COL9A1: variants seen among roughly 807,000 people sequenced by gnomAD.
The protein encoded by COL9A1 is collagen type IX alpha 1 chain.
A neutral mutation model predicts 142.6 loss-of-function variants in COL9A1; 104 were observed. The ratio of observed to expected loss-of-function variants is 0.73; its 90% CI spans 0.62 to 0.86. The LOEUF is 0.86. COL9A1 is among the 40% of genes least tolerant of loss of function. The pLI is 0.00. For synonymous variants in COL9A1, 466 were observed against 396.0 expected, an observed-to-expected ratio of 1.18 and a Z score of -2.10; for missense variants, 1,210 against 1,176.6, an observed-to-expected ratio of 1.03 and a Z score of -0.42.
intron 4 of COL9A1, among the ~76,000 whole-genome samples, chr6:70,296,269 T>C (rs1006671343): frequency 9.2e-5 from 14 of 152,172 alleles, no homozygotes; most frequent in Non-Finnish European, 1.8e-4. Flanking sequence ...CTTTGTAATA[T>C]GACTGGTTTG....
intron 11 of COL9A1, 22 bp from the exon 12 acceptor site, chr6:70,274,104 T>G (rs1220005745): frequency 6.3e-7 from 1 of 1,579,268 alleles, no homozygotes; most frequent in Admixed American, 1.7e-5. Flanking sequence ...AATAGTTTCA[T>G]TGTACTGACC....
intron 5 of COL9A1, among the ~76,000 whole-genome samples, chr6:70,290,665 GT>G (rs773208903): frequency 3.3e-5 from 5 of 152,016 alleles, no homozygotes; most frequent in Non-Finnish European, 7.4e-5. Context: ...ATCAAATGTG[GT>G]TTCCAATTGC....
chr6:70,237,141 C>A (rs552699985), intron 33 of COL9A1, among the ~76,000 whole-genome samples: 1 of 152,052 alleles, frequency 6.6e-6, no homozygotes, highest in South Asian at 2.1e-4. Flanking sequence ...CTAAAAGAAC[C>A]CAGAAGAGAA....
intron 1 of COL9A1, 81 bp from the exon 2 acceptor site, chr6:70,302,155 C>T: frequency 1.2e-6 from 1 of 835,700 alleles, no homozygotes; most frequent in Non-Finnish European, 2.0e-6. Context: ...ACCTAGTAAA[C>T]CTAATTAATG....
At chr6:70,236,924 C>T (rs1459880729) in intron 33 of COL9A1, among the ~76,000 whole-genome samples, 1 of 151,984 alleles carries the variant, frequency 6.6e-6, no homozygotes, top group Non-Finnish European at 1.5e-5. Context: ...CAGGTTCAAG[C>T]GATTCTCCTG....
At chr6:70,225,182 T>C (rs1042722383) in intron 37 of COL9A1, among the ~76,000 whole-genome samples, 3 of 152,222 alleles carry the variant, frequency 2.0e-5, no homozygotes, top group Non-Finnish European at 2.9e-5. Context: ...TGCTGGAAAG[T>C]TGCGCATCAT....
At chr6:70,245,225 ACT>A (rs1770518845) in intron 28 of COL9A1, among the ~76,000 whole-genome samples, 1 of 152,176 alleles carries the variant, frequency 6.6e-6, no homozygotes, top group African/African-American at 2.4e-5. Context: ...GAACATGCAT[ACT>A]CTTGCTCTAA....
At chr6:70,240,604 G>T in intron 32 of COL9A1, 85 bp downstream of exon 32, 2 of 793,488 alleles carry the variant, frequency 2.5e-6, no homozygotes, top group Non-Finnish European at 4.1e-6. Flanking sequence ...TACCAATTTT[G>T]AACTGTGTTA....
At chr6:70,249,655 C>A (rs1770810683) in intron 28 of COL9A1, among the ~76,000 whole-genome samples, 1 of 152,084 alleles carries the variant, frequency 6.6e-6, no homozygotes, top group African/African-American at 2.4e-5. Flanking sequence ...GGGACAGGAG[C>A]AATGGCAAGA....
At chr6:70,269,034 T>C (rs1465058611) in intron 16 of COL9A1, among the ~76,000 whole-genome samples, 174 bp from the exon 17 acceptor site, 1 of 152,184 alleles carries the variant, frequency 6.6e-6, no homozygotes, top group Non-Finnish European at 1.5e-5. Context: ...TTATTTCACA[T>C]TTAAAGCCAG....
intron 4 of COL9A1, among the ~76,000 whole-genome samples, chr6:70,295,431 C>T (rs562989949): frequency 7.5e-4 from 114 of 151,596 alleles, no homozygotes; most frequent in African/African-American, 2.4e-3. Context: ...GGATTACAGG[C>T]GCCCACCATT....
intron 37 of COL9A1, among the ~76,000 whole-genome samples, chr6:70,218,655 G>C (rs963564477): frequency 6.6e-6 from 1 of 152,082 alleles, no homozygotes; most frequent in Admixed American, 6.6e-5. Flanking sequence ...TTCTTTCTCT[G>C]TGGTTTTTAC....
intron 8 of COL9A1, 24 bp from the exon 9 acceptor site, chr6:70,281,063 A>T (rs759423082): frequency 6.2e-7 from 1 of 1,600,436 alleles, no homozygotes; most frequent in South Asian, 1.1e-5. Flanking sequence ...AGAAAAAGAG[A>T]GAGCAGTCTA....
intron 37 of COL9A1, among the ~76,000 whole-genome samples, chr6:70,224,644 G>T (rs1769111848): frequency 6.6e-6 from 1 of 152,066 alleles, no homozygotes; most frequent in South Asian, 2.1e-4. Context: ...TCCTACTACT[G>T]GTGATGGAGA....
chr6:70,234,801 C>A lies in COL9A1; in HGVS notation c.2252G>T (p.Gly751Val). 1 of 1,614,142 alleles carries A rather than the reference C, an allele frequency of 6.2e-7. No homozygotes were observed. Among genetic ancestry groups the A allele is most frequent in the Non-Finnish European group, 8.5e-7 (1 of 1,180,016 alleles). The change falls in exon 34 of 38, where the codon GGC becomes GTC. Residue 751 changes from glycine to valine, a missense_variant. Gly to Val is a moderately radical substitution (Grantham distance 109). Coordinates refer to ENST00000357250, the MANE Select transcript of COL9A1 (RefSeq NM_001851.6). ...QGATGLPGVQ[G>V]PPGRAPTDQH... ...AAGCTGCCCACCACTCACCGGAGGG[C>A]CCTGGACACCAGGCAGGCCGGTGGC... is the stretch of plus-strand genomic sequence containing the variant.
At chr6:70,291,210 G>T (rs1341124476) in intron 5 of COL9A1, among the ~76,000 whole-genome samples, 1 of 152,118 alleles carries the variant, frequency 6.6e-6, no homozygotes, top group South Asian at 2.1e-4. Flanking sequence ...ACTACCTTCA[G>T]TTTTCAAAAA....
intron 10 of COL9A1, among the ~76,000 whole-genome samples, chr6:70,275,565 T>C (rs1272552954): frequency 6.6e-6 from 1 of 152,128 alleles, no homozygotes; most frequent in Admixed American, 6.6e-5. Context: ...TACTACTACT[T>C]ACTTTATCAT....
At chr6:70,226,108 G>C (rs546606054) in intron 36 of COL9A1, 99 bp from the exon 37 acceptor site, 15 of 1,083,622 alleles carry the variant, frequency 1.4e-5, no homozygotes, top group Non-Finnish European at 2.1e-5. Flanking sequence ...GAAACCAAAA[G>C]GTCATGAAAT....
rs372580255 is a variant in COL9A1 at position 70,294,410 on chromosome 6, T to C, written c.453A>G (p.Gln151=). Residue 151 remains glutamine (Q), a synonymous_variant, in exon 5 of 38, where the codon CAA becomes CAG. Transcript: ENST00000357250. The part of the protein sequence containing the change: ...QVGIKINGQT[Q]SVVFSYKGLD... ...GTCCCTTGTATGAAAATACAACAGA[T>C]TGTGTTTGGCCATTAATCTTTATGC... 43 of 1,613,976 alleles carry C rather than the reference T, an allele frequency of 2.7e-5. No homozygotes were observed. The African/African-American group carries it at 3.5e-4, about 13-fold the overall frequency.
Sources: gnomAD v4.1 joint callset for allele counts (sites outside exome capture counted in the v4.1 genomes callset) on GRCh38, gnomAD v4.1.1 for gene constraint, MANE v1.5 for transcripts, NCBI Gene and HGNC (gene_info 2026-07-23, HGNC 2026-07-21) for gene names.